Variants in DOCK10 observed in about 807,000 individuals in gnomAD.
DOCK10 encodes the protein dedicator of cytokinesis 10.
Under a neutral mutation model 280.1 loss-of-function variants are expected in DOCK10, and 145 were observed. That is an observed-to-expected ratio of 0.52 (90% CI 0.45 to 0.59). The LOEUF is 0.59. DOCK10 is among the 20% of genes least tolerant of loss of function. The pLI is 0.00. For missense variants in DOCK10, 2,368 were observed against 2,651.7 expected (o/e 0.89, Z 2.35); for synonymous variants, 915 against 942.2 (o/e 0.97, Z 0.53).
At chr2:224,862,473 T>G in intron 14 of DOCK10, 191 bp downstream of exon 14, 1 of 557,302 alleles carries the variant, frequency 1.8e-6, no homozygotes, top group Admixed American at 3.1e-5. Flanking sequence ...TATTATAAAC[T>G]GTATTGCTAA....
chr2:224,804,874 T>C (rs1452077728), intron 37 of DOCK10, 33 bp from the exon 38 acceptor site: 10 of 1,439,836 alleles, frequency 6.9e-6, no homozygotes, highest in Non-Finnish European at 9.3e-6. Context: ...ATTTTAATTA[T>C]TCATATTCTT....
intron 1 of DOCK10, among the ~76,000 whole-genome samples, chr2:225,039,805 T>C (rs1690367679): frequency 6.6e-6 from 1 of 152,150 alleles, no homozygotes; most frequent in Non-Finnish European, 1.5e-5. Flanking sequence ...TCAAACCCTA[T>C]GGCAATCTTT....
In DOCK10 at chr2:224,783,014, A is replaced by G. The variant is rs547415640; in HGVS notation, c.5655+4008T>C. Among the ~76,000 whole-genome samples, 5 of 152,286 alleles carry G rather than the reference A, an allele frequency of 3.3e-5. No individual in the cohort carries two copies. In the South Asian group the frequency reaches 1.0e-3, roughly 32 times the overall value. The stretch of plus-strand genomic sequence containing the variant: ...CAAGTCTACTTGGTATTTATTTATC[A>G]TGGAATGTGAAGTGATATGTGCTGT... On this transcript the variant is annotated intron_variant, in intron 50 of 55. Transcript: ENST00000258390.
intron 2 of DOCK10, among the ~76,000 whole-genome samples, chr2:224,919,851 A>G (rs1352710944): frequency 6.6e-6 from 1 of 152,134 alleles, no homozygotes; most frequent in Non-Finnish European, 1.5e-5. Context: ...GATGAAAATG[A>G]ATGCTCGCCC....
chr2:224,790,864 A>G (rs1287193015), intron 47 of DOCK10, among the ~76,000 whole-genome samples: 1 of 152,212 alleles, frequency 6.6e-6, no homozygotes, highest in African/African-American at 2.4e-5. Flanking sequence ...AGGGCTTCAA[A>G]TACATGCCAA....
At chr2:224,885,970 C>A in intron 6 of DOCK10, 93 bp downstream of exon 6, 1 of 1,550,188 alleles carries the variant, frequency 6.5e-7, no homozygotes, top group Admixed American at 2.0e-5. Flanking sequence ...GAAACATAAA[C>A]TCAATGCAAA....
chr2:224,905,280 G>A (rs57342850), intron 3 of DOCK10, among the ~76,000 whole-genome samples: 13,625 of 125,902 alleles, frequency 0.11, 1,979 homozygotes, highest in African/African-American at 0.37. Flanking sequence ...TCGCTCTATC[G>A]CCCAGGCCGG....
intron 50 of DOCK10, among the ~76,000 whole-genome samples, chr2:224,780,263 C>A (rs999373098): frequency 6.6e-6 from 1 of 152,190 alleles, no homozygotes; most frequent in African/African-American, 2.4e-5. Context: ...TCTGACTCCA[C>A]TCCCACATGA....
intron 4 of DOCK10, chr2:224,893,499 T>G (rs1699821823): frequency 4.0e-6 from 1 of 247,606 alleles, no homozygotes; most frequent in Admixed American, 5.9e-5. Flanking sequence ...CCCAGTGGAT[T>G]AATGAAATCA....
At chr2:224,861,109 A>C (rs1697471548) in intron 14 of DOCK10, 1 of 152,242 alleles carries the variant, frequency 6.6e-6, no homozygotes, top group Non-Finnish European at 1.5e-5. Context: ...AATTATAATT[A>C]GTTAACCTTT....
Position 224,849,587 on chromosome 2 carries a change from T to C in DOCK10, c.2155A>G (p.Lys719Glu). Residue 719 changes from lysine to glutamate, a missense_variant, in exon 19 of 56, where the codon AAA becomes GAA. By Grantham distance (56) the Lys-to-Glu change is moderately conservative. Around this residue, in one of 2 missense-constraint regions of DOCK10, gnomAD observed 1,209 missense variants for 1,250.9 expected, o/e 0.97. Transcript: ENST00000258390. ...GAGGTGAAGAGGGGCCCTCCAGGTT[T>C]TCCATAAATACACTGTTTGAAAAGT... The part of the protein sequence containing the change: ...SAKPLKCIYG[K>E]PGGPLFTSAA... 1 of 1,605,810 alleles carries C rather than the reference T, an allele frequency of 6.2e-7. No homozygotes were observed.
intron 14 of DOCK10, 41 bp from the exon 15 acceptor site, chr2:224,857,023 T>A: frequency 6.6e-7 from 1 of 1,514,010 alleles, no homozygotes; most frequent in Non-Finnish European, 8.9e-7. Context: ...TTGGATATTG[T>A]TTATAAAGTT....
chr2:224,791,508 A>G (rs1692191335), intron 47 of DOCK10, among the ~76,000 whole-genome samples: 1 of 149,320 alleles, frequency 6.7e-6, no homozygotes. Flanking sequence ...TCTGTTGTCC[A>G]GGCTAGAGTG....
At chr2:224,842,450 G>A (rs1461612594) in intron 22 of DOCK10, among the ~76,000 whole-genome samples, 1 of 151,130 alleles carries the variant, frequency 6.6e-6, no homozygotes, top group African/African-American at 2.4e-5. Flanking sequence ...CTGCCCTGAG[G>A]GTGGGAGCTA....
intron 44 of DOCK10, among the ~76,000 whole-genome samples, chr2:224,796,023 A>G (rs1014900146): frequency 3.0e-5 from 4 of 131,522 alleles, no homozygotes; most frequent in African/African-American, 1.1e-4. Context: ...TCAAAGCTCA[A>G]AGTCTCAATA....
At chr2:224,791,952 T>C (rs1692226374) in intron 47 of DOCK10, among the ~76,000 whole-genome samples, 1 of 152,246 alleles carries the variant, frequency 6.6e-6, no homozygotes, top group South Asian at 2.1e-4. Flanking sequence ...AAATGTTGTT[T>C]GTACACGGAG....
In DOCK10 at chr2:224,971,646, T is replaced by C. The variant is rs1393589315; in HGVS notation, c.124-39978A>G. On this transcript the variant is annotated intron_variant, in intron 1 of 55. Coordinates refer to ENST00000258390, the MANE Select transcript of DOCK10 (RefSeq NM_014689.3). ...AAATCTTTAATTTTACTTAATTTTATTTAACTTTGATTTAACTTTAAGAAT... is the reference window on the plus strand; with the variant it reads ...AAATCTTTAATTTTACTTAATTTTACTTAACTTTGATTTAACTTTAAGAAT... 4.6e-5 allele frequency among the ~76,000 whole-genome samples: 7 copies of C among 152,336 alleles called. No individual in the cohort carries two copies. In the East Asian group the frequency reaches 1.3e-3, roughly 29 times the overall value.
chr2:224,949,324 A>G (rs1703602888), intron 1 of DOCK10, among the ~76,000 whole-genome samples: 1 of 152,236 alleles, frequency 6.6e-6, no homozygotes, highest in Non-Finnish European at 1.5e-5. Context: ...AGTAATAAGG[A>G]GCAATCAGAG....
intron 40 of DOCK10, among the ~76,000 whole-genome samples, chr2:224,800,599 C>G (rs903353033): frequency 2.0e-5 from 3 of 152,172 alleles, no homozygotes; most frequent in African/African-American, 7.2e-5. Context: ...TGTACAGTCT[C>G]AGTGGACAGT....
Sources: gnomAD v4.1 joint callset for allele counts (sites outside exome capture counted in the v4.1 genomes callset) on GRCh38, gnomAD v4.1.1 for gene constraint, gnomAD v4.1.1 regional missense constraint, MANE v1.5 for transcripts, NCBI Gene and HGNC (gene_info 2026-07-23, HGNC 2026-07-21) for gene names.